The following LSM12 variants were observed in gnomAD, a reference collection of about 807,000 sequenced individuals.
LSM12 encodes the protein LSM12 homolog.
For missense variants in LSM12, 108 were observed against 238.9 expected, an observed-to-expected ratio of 0.45 and a Z score of 3.61; for synonymous variants, 74 against 87.3, an observed-to-expected ratio of 0.85 and a Z score of 0.85.
In LSM12 at chr17:44,034,677, A is replaced by C. The variant is rs1381307601; in HGVS notation, c.*1531T>G. On this transcript the variant is annotated 3_prime_UTR_variant, in exon 5 of 5. Transcript: ENST00000293406. ...TGGGTTTTATTGTTTTTGCTAAATA[A>C]TACTAAAAAAAAAATTTCATTTTGA... is the stretch of plus-strand genomic sequence containing the variant. 6.6e-6 allele frequency: 1 copy of C among 151,582 alleles called. No individual in the cohort carries two copies. Among genetic ancestry groups the C allele is most frequent in the Non-Finnish European group, 1.5e-5 (1 of 67,878 alleles). The allele number at this position is 151,582 out of a possible 1,614,324, so 9.4% of individuals were successfully genotyped here.
At chr17:44,045,617 C>A (rs2049552590) in intron 2 of LSM12, among the ~76,000 whole-genome samples, 1 of 152,114 alleles carries the variant, frequency 6.6e-6, no homozygotes, top group Non-Finnish European at 1.5e-5. Flanking sequence ...ATCACCCAGG[C>A]TGGAATGTAA....
intron 2 of LSM12, among the ~76,000 whole-genome samples, chr17:44,059,034 T>A (rs905775733): frequency 1.3e-5 from 2 of 152,156 alleles, no homozygotes; most frequent in African/African-American, 4.8e-5. Context: ...GGTGTGGTGA[T>A]GGGAGATTGT....
intron 2 of LSM12, among the ~76,000 whole-genome samples, chr17:44,062,481 T>C (rs546531507): frequency 3.6e-4 from 55 of 152,280 alleles, no homozygotes; most frequent in Non-Finnish European, 6.3e-4. Context: ...AAGGCTCCAG[T>C]CATTCTGGAA....
At position 44,034,438 on chromosome 17, in the gene LSM12, C is replaced by G. The variant is rs1222047207; in HGVS notation, c.*1770G>C. Reference sequence around the variant, plus strand: ...ACTACAGCCTTTTCCCCACACTCCACCTACACACCACTCCAAACCCTGGAC... The same window carrying G: ...ACTACAGCCTTTTCCCCACACTCCAGCTACACACCACTCCAAACCCTGGAC... On this transcript the variant is annotated 3_prime_UTR_variant, in exon 5 of 5. Transcript: ENST00000293406. 1.3e-5 allele frequency among the ~76,000 whole-genome samples: 2 copies of G among 151,910 alleles called. No homozygotes were observed. The highest frequency in any genetic ancestry group is 4.8e-5 in the African/African-American group (2 of 41,320).
Position 44,066,668 on chromosome 17 carries a change from C to T in LSM12, c.-81G>A. 8 of 1,261,418 alleles carry T rather than the reference C, an allele frequency of 6.3e-6. No individual in the cohort carries two copies. Among genetic ancestry groups the T allele is most frequent in the Non-Finnish European group, 8.0e-6 (8 of 999,120 alleles). The allele number at this position is 1,261,418 out of a possible 1,614,324, so 78.1% of individuals were successfully genotyped here. On this transcript the variant is annotated 5_prime_UTR_variant, in exon 1 of 5. Transcript: ENST00000293406. Reference sequence around the variant, plus strand: ...GCCCCCAGTGAGCGCCGCGACGCGACGGCGCGCACGGAGCGTGCTTGCGTC... The same window carrying T: ...GCCCCCAGTGAGCGCCGCGACGCGATGGCGCGCACGGAGCGTGCTTGCGTC...
chr17:44,037,179 A>G lies in LSM12; in HGVS notation c.495+233T>C, dbSNP rs892092948. 1.0e-5 allele frequency: 4 copies of G among 394,970 alleles called. No homozygotes were observed. In the Admixed American group the frequency reaches 1.4e-4, roughly 13 times the overall value. 24.5% of individuals were successfully genotyped at this position (394,970 alleles called of 1,614,324 possible). Reference sequence around the variant, plus strand: ...CCATGGAACAGTCTTCCTAATTCCAAAAAGCCAGCAAAGGACATAGGGTCA... The same window carrying G: ...CCATGGAACAGTCTTCCTAATTCCAGAAAGCCAGCAAAGGACATAGGGTCA... On this transcript the variant is annotated intron_variant, in intron 4 of 4. Transcript: ENST00000293406.
rs71160079 is a variant in LSM12 at position 44,035,677 on chromosome 17, C to CAAAAAAAAAAAAAAAAA, written c.*514_*530dup. On this transcript the variant is annotated 3_prime_UTR_variant, in exon 5 of 5. Coordinates refer to ENST00000293406, the MANE Select transcript of LSM12 (RefSeq NM_001371445.1). ...AAACTAATTCAAGCCATGCCCTGTG[C>CAAAAAAAAAAAAAAAAA]AAAAAAAAAAAAAAAAAGAAAAAAG... 13 of 58,042 alleles carry CAAAAAAAAAAAAAAAAA rather than the reference C, an allele frequency of 2.2e-4. No individual in the cohort carries two copies. Among genetic ancestry groups the CAAAAAAAAAAAAAAAAA allele is most frequent in the African/African-American group, 2.9e-4 (4 of 13,892 alleles). 3.6% of individuals were successfully genotyped at this position (58,042 alleles called of 1,614,324 possible).
intron 3 of LSM12, among the ~76,000 whole-genome samples, chr17:44,038,042 C>A (rs184295709): frequency 3.7e-4 from 56 of 152,180 alleles, no homozygotes; most frequent in African/African-American, 1.3e-3. Flanking sequence ...GGGAGAAATA[C>A]CACCTTTAGA....
intron 2 of LSM12, among the ~76,000 whole-genome samples, chr17:44,042,721 C>T (rs183842157): frequency 1.1e-3 from 160 of 152,276 alleles, no homozygotes; most frequent in African/African-American, 3.6e-3. Context: ...CCTGCCACCA[C>T]GCCCAGCTAA....
chr17:44,038,694 A>G (rs2049448111), intron 3 of LSM12, among the ~76,000 whole-genome samples: 1 of 152,090 alleles, frequency 6.6e-6, no homozygotes, highest in Non-Finnish European at 1.5e-5. Flanking sequence ...TCTTCCTATG[A>G]TCTGTACTCT....
intron 2 of LSM12, among the ~76,000 whole-genome samples, chr17:44,046,752 T>A (rs1414189183): frequency 8.5e-6 from 1 of 117,854 alleles, no homozygotes; most frequent in Non-Finnish European, 1.7e-5. Flanking sequence ...GTTTTCTTTT[T>A]TTTTTTCTTT....
At chr17:44,040,469 A>C (rs2049473614) in intron 2 of LSM12, 1 of 475,852 alleles carries the variant, frequency 2.1e-6, no homozygotes. Flanking sequence ...TCCTTCTAAT[A>C]CTTACTGCAT....
chr17:44,052,689 G>A (rs566389241), intron 2 of LSM12, among the ~76,000 whole-genome samples: 21 of 151,994 alleles, frequency 1.4e-4, no homozygotes, highest in Non-Finnish European at 2.8e-4. Flanking sequence ...AACCCGGGAG[G>A]TGGAGGTTGC....
chr17:44,051,962 G>A (rs1393115703), intron 2 of LSM12, among the ~76,000 whole-genome samples: 3 of 151,984 alleles, frequency 2.0e-5, no homozygotes, highest in Admixed American at 6.6e-5. Context: ...ACAAACATCC[G>A]CTGGGTGTGG....
At chr17:44,056,398 G>A (rs1264261435) in intron 2 of LSM12, among the ~76,000 whole-genome samples, 1 of 151,882 alleles carries the variant, frequency 6.6e-6, no homozygotes, top group Non-Finnish European at 1.5e-5. Context: ...GAGGCCAGGA[G>A]TTTGAGACCA....
intron 2 of LSM12, among the ~76,000 whole-genome samples, chr17:44,047,492 C>T (rs1340567337): frequency 6.6e-6 from 1 of 152,172 alleles, no homozygotes. Context: ...GGTGATTCAC[C>T]TGCCTCGGCC....
chr17:44,049,648 G>A lies in LSM12; in HGVS notation c.259-9392C>T, dbSNP rs149084076. ...GCAGTGACATGGAAGGAAAAGGGAGGAGCCAAAAGAACAAAATCCAAGCAA... is the reference window on the plus strand; with the variant it reads ...GCAGTGACATGGAAGGAAAAGGGAGAAGCCAAAAGAACAAAATCCAAGCAA... On this transcript the variant is annotated intron_variant, in intron 2 of 4. Coordinates refer to ENST00000293406, the MANE Select transcript of LSM12 (RefSeq NM_001371445.1). Among the ~76,000 whole-genome samples the A allele has an allele frequency of 5.9e-3, 892 of 152,242 alleles. 11 individuals carry two copies. Among genetic ancestry groups the A allele is most frequent in the African/African-American group, 0.02 (836 of 41,550 alleles).
intron 2 of LSM12, among the ~76,000 whole-genome samples, chr17:44,058,153 C>T (rs1023568538): frequency 6.6e-6 from 1 of 151,648 alleles, no homozygotes; most frequent in Non-Finnish European, 1.5e-5. Flanking sequence ...AGGAGAATGG[C>T]GTGAACCCAG....
intron 1 of LSM12, among the ~76,000 whole-genome samples, chr17:44,065,270 TA>T (rs201542608): frequency 1.3e-5 from 2 of 149,524 alleles, no homozygotes; most frequent in South Asian, 2.1e-4. Context: ...CCATCTCTGT[TA>T]AAAAAAAACA....
Sources: allele counts gnomAD v4.1 joint callset (sites outside exome capture counted in the v4.1 genomes callset), GRCh38; gene constraint gnomAD v4.1.1; transcripts MANE v1.5; gene names NCBI Gene and HGNC (gene_info 2026-07-23, HGNC 2026-07-21).